Variants in MYRIP observed in about 807,000 individuals in gnomAD.
The protein encoded by MYRIP is rab effector MyRIP.
Under a neutral mutation model 98.0 loss-of-function variants are expected in MYRIP, and 49 were observed. The observed-to-expected ratio is 0.50, with a 90% CI of 0.40 to 0.63. MYRIP has a LOEUF of 0.63. Among genes scored for constraint, MYRIP ranks in the 30% least tolerant of loss-of-function variants. The pLI is 0.00. For missense variants in MYRIP, 1,004 were observed against 1,058.2 expected, an observed-to-expected ratio of 0.95 and a Z score of 0.71; for synonymous variants, 404 against 409.5, an observed-to-expected ratio of 0.99 and a Z score of 0.16.
chr3:39,828,641 C>T (rs1449740546), intron 1 of MYRIP, among the ~76,000 whole-genome samples: 1 of 152,168 alleles, frequency 6.6e-6, no homozygotes, highest in Non-Finnish European at 1.5e-5. Context: ...TCCAACTCTT[C>T]CTCCCAAGTC....
intron 12 of MYRIP, among the ~76,000 whole-genome samples, chr3:40,240,951 G>T (rs1481313150): frequency 1.3e-5 from 2 of 152,140 alleles, no homozygotes; most frequent in Non-Finnish European, 2.9e-5. Flanking sequence ...CTAGACAGTG[G>T]TATCTCCACT....
intron 4 of MYRIP, among the ~76,000 whole-genome samples, chr3:40,158,199 C>T (rs373654629): frequency 6.6e-6 from 1 of 152,124 alleles, no homozygotes; most frequent in African/African-American, 2.4e-5. Flanking sequence ...TGTTGTGTCT[C>T]TGTTCTCGTT....
intron 13 of MYRIP, among the ~76,000 whole-genome samples, chr3:40,249,405 C>G (rs1405970179): frequency 6.6e-6 from 1 of 152,222 alleles, no homozygotes; most frequent in Non-Finnish European, 1.5e-5. Flanking sequence ...CCCAGATTGG[C>G]TGTGAGATGA....
At chr3:39,988,200 A>G (rs1480402411) in intron 2 of MYRIP, among the ~76,000 whole-genome samples, 1 of 152,102 alleles carries the variant, frequency 6.6e-6, no homozygotes, top group Non-Finnish European at 1.5e-5. Flanking sequence ...TAGGAGATAT[A>G]CCTAATGCTA....
chr3:39,927,803 T>C (rs1199338674), intron 2 of MYRIP, among the ~76,000 whole-genome samples: 1 of 151,950 alleles, frequency 6.6e-6, no homozygotes, highest in African/African-American at 2.4e-5. Context: ...CAGAATACTA[T>C]TAAACCAGAA....
rs990759299 is a variant in MYRIP, at chr3:40,206,779, G to A, written c.1666-3075G>A. ...CATAGTAGGTGCTCAACATGTGTTT[G>A]CTGGATGTAGACTGAATCACAGCAA... On this transcript the variant is annotated intron_variant, in intron 10 of 16. Transcript: ENST00000302541. Among the ~76,000 whole-genome samples, 11 of 152,288 alleles carry A rather than the reference G, an allele frequency of 7.2e-5. 1 individual carries two copies. The South Asian group carries it at 2.3e-3, about 32-fold the overall frequency.
At chr3:39,833,504 G>C (rs1409004422) in intron 1 of MYRIP, among the ~76,000 whole-genome samples, 1 of 152,164 alleles carries the variant, frequency 6.6e-6, no homozygotes, top group African/African-American at 2.4e-5. Flanking sequence ...GGCTGGGCTA[G>C]ATGGAGGTAA....
At chr3:39,984,436 C>G (rs1037255990) in intron 2 of MYRIP, among the ~76,000 whole-genome samples, 4 of 151,372 alleles carry the variant, frequency 2.6e-5, no homozygotes, top group African/African-American at 9.7e-5. Flanking sequence ...TCCATGTGTT[C>G]TCATTGTTCA....
chr3:40,160,573 G>A (rs1202167409), intron 4 of MYRIP, among the ~76,000 whole-genome samples: 7 of 152,326 alleles, frequency 4.6e-5, no homozygotes, highest in African/African-American at 7.2e-5. Flanking sequence ...CTGGGCAATG[G>A]CGGGCGCCCC....
intron 2 of MYRIP, among the ~76,000 whole-genome samples, chr3:39,982,456 A>G (rs1247736863): frequency 6.6e-6 from 1 of 152,190 alleles, no homozygotes; most frequent in African/African-American, 2.4e-5. Context: ...GAAATTACCA[A>G]ATGAACCACT....
chr3:39,948,212 G>A (rs1944940936), intron 2 of MYRIP, among the ~76,000 whole-genome samples: 1 of 152,110 alleles, frequency 6.6e-6, no homozygotes, highest in African/African-American at 2.4e-5. Context: ...AAAAGACAAT[G>A]GAGTCCTCTG....
At chr3:39,993,772 C>A (rs967342971) in intron 2 of MYRIP, among the ~76,000 whole-genome samples, 1 of 152,226 alleles carries the variant, frequency 6.6e-6, no homozygotes, top group South Asian at 2.1e-4. Context: ...ATAGTGATGA[C>A]CACTCTGTGA....
At chr3:39,958,969 G>T (rs544116312) in intron 2 of MYRIP, among the ~76,000 whole-genome samples, 1 of 151,430 alleles carries the variant, frequency 6.6e-6, no homozygotes, top group Non-Finnish European at 1.5e-5. Flanking sequence ...AATCAAAACC[G>T]CAATGAGATA....
chr3:39,928,385 G>T (rs2125697352), intron 2 of MYRIP, among the ~76,000 whole-genome samples: 1 of 151,530 alleles, frequency 6.6e-6, no homozygotes, highest in Admixed American at 6.6e-5. Context: ...GATAAAGGGA[G>T]AAAATTACAA....
chr3:39,901,494 A>C (rs1943742624), intron 2 of MYRIP, among the ~76,000 whole-genome samples: 1 of 152,166 alleles, frequency 6.6e-6, no homozygotes, highest in Non-Finnish European at 1.5e-5. Flanking sequence ...TTTCCCCATG[A>C]AAGGCTCTTG....
At chr3:39,934,095 G>T (rs551974624) in intron 2 of MYRIP, among the ~76,000 whole-genome samples, 1 of 152,310 alleles carries the variant, frequency 6.6e-6, no homozygotes, top group East Asian at 1.9e-4. Context: ...AGAACACCTG[G>T]ATTATACTAT....
At chr3:40,179,209 T>C (rs1469366746) in intron 8 of MYRIP, among the ~76,000 whole-genome samples, 1 of 152,220 alleles carries the variant, frequency 6.6e-6, no homozygotes, top group Non-Finnish European at 1.5e-5. Flanking sequence ...GTCTCAGAAC[T>C]GTCTTTTTCC....
In MYRIP at chr3:40,227,841, C is replaced by T. The variant is rs568280772; in HGVS notation, c.1906-6018C>T. Among the ~76,000 whole-genome samples the T allele has an allele frequency of 1.3e-4, 20 of 152,248 alleles. No individual in the cohort carries two copies. In the South Asian group the frequency reaches 4.1e-3, roughly 32 times the overall value. On this transcript the variant is annotated intron_variant, in intron 11 of 16. Transcript: ENST00000302541. ...CACTGGGTGGACACCTGACACATGC[C>T]TTCTAATTTAATCTTCTTGAAAGCT...
chr3:39,980,668 C>T (rs1157984062), intron 2 of MYRIP, among the ~76,000 whole-genome samples: 2 of 152,206 alleles, frequency 1.3e-5, no homozygotes, highest in Non-Finnish European at 2.9e-5. Context: ...ATATGATATT[C>T]ACTGTTGCTT....
Sources: gnomAD v4.1 joint callset for allele counts (sites outside exome capture counted in the v4.1 genomes callset) on GRCh38, gnomAD v4.1.1 for gene constraint, MANE v1.5 for transcripts, NCBI Gene and HGNC (gene_info 2026-07-23, HGNC 2026-07-21) for gene names.